CCBE1: variants seen among roughly 807,000 people sequenced by gnomAD.
CCBE1 encodes the protein collagen and calcium-binding EGF domain-containing protein 1.
CCBE1 carries 37 observed loss-of-function variants against 50.0 expected under a neutral mutation model. The ratio of observed to expected loss-of-function variants is 0.74; its 90% CI spans 0.57 to 0.97. The LOEUF is 0.97. CCBE1 is among the 50% of genes least tolerant of loss of function. The pLI is 0.00. For missense variants in CCBE1, 538 were observed against 523.8 expected (o/e 1.03, Z -0.26); for synonymous variants, 234 against 203.7 (o/e 1.15, Z -1.27).
chr18:59,512,605 G>C (rs183184679), intron 2 of CCBE1, among the ~76,000 whole-genome samples: 1 of 152,232 alleles, frequency 6.6e-6, no homozygotes, highest in Non-Finnish European at 1.5e-5. Flanking sequence ...AGTGCTGAGC[G>C]CCTTCCTGTG....
chr18:59,632,383 G>A (rs1045660025), intron 2 of CCBE1, among the ~76,000 whole-genome samples: 3 of 151,468 alleles, frequency 2.0e-5, no homozygotes, highest in East Asian at 2.0e-4. Context: ...AGGTTCAAGC[G>A]ATTCTCGTGC....
At chr18:59,497,062 G>A (rs1913388903) in intron 2 of CCBE1, among the ~76,000 whole-genome samples, 1 of 152,116 alleles carries the variant, frequency 6.6e-6, no homozygotes, top group African/African-American at 2.4e-5. Flanking sequence ...CATTAAATGA[G>A]ATACGTAAAG....
intron 2 of CCBE1, among the ~76,000 whole-genome samples, chr18:59,586,697 T>C (rs1288746114): frequency 6.6e-6 from 1 of 152,146 alleles, no homozygotes. Context: ...AAGCCCAAAA[T>C]TTTCAACAAA....
At chr18:59,665,043 T>C (rs916082928) in intron 2 of CCBE1, among the ~76,000 whole-genome samples, 2 of 152,118 alleles carry the variant, frequency 1.3e-5, no homozygotes, top group Non-Finnish European at 2.9e-5. Flanking sequence ...AACAGGACCC[T>C]AGTGCAATTT....
At chr18:59,681,667 G>A (rs2054590134) in intron 2 of CCBE1, among the ~76,000 whole-genome samples, 2 of 152,242 alleles carry the variant, frequency 1.3e-5, no homozygotes, top group African/African-American at 2.4e-5. Context: ...TACCCAGCAT[G>A]AGCTTGCAGC....
Position 59,644,224 on chromosome 18 carries a change from G to T in CCBE1, c.212+52405C>A, listed in dbSNP as rs938521321. Among the ~76,000 whole-genome samples the T allele has an allele frequency of 2.0e-5, 3 of 152,310 alleles. No homozygotes were observed. In the East Asian group the frequency reaches 5.8e-4, roughly 29 times the overall value. On this transcript the variant is annotated intron_variant, in intron 2 of 10. Coordinates refer to ENST00000439986, the MANE Select transcript of CCBE1 (RefSeq NM_133459.4). ...CCTGCCACCATGAGAATCTAATGCC[G>T]TTGCTGATCTGAGAGGAGGCGGAGC...
At chr18:59,635,818 A>T (rs912274488) in intron 2 of CCBE1, among the ~76,000 whole-genome samples, 2 of 152,176 alleles carry the variant, frequency 1.3e-5, no homozygotes, top group Non-Finnish European at 2.9e-5. Context: ...TGGCAGAAAT[A>T]ATTTATCAGA....
chr18:59,543,059 A>G (rs1915531576), intron 2 of CCBE1, among the ~76,000 whole-genome samples: 1 of 152,202 alleles, frequency 6.6e-6, no homozygotes, highest in South Asian at 2.1e-4. Context: ...ATTCTCCTCC[A>G]AATTTTGGCT....
chr18:59,542,959 C>T (rs1915526283), intron 2 of CCBE1, among the ~76,000 whole-genome samples: 1 of 152,208 alleles, frequency 6.6e-6, no homozygotes, highest in African/African-American at 2.4e-5. Context: ...AAGATCTCGC[C>T]AAACCCAGGC....
intron 2 of CCBE1, among the ~76,000 whole-genome samples, chr18:59,497,366 G>A (rs564978108): frequency 6.6e-6 from 1 of 152,268 alleles, no homozygotes; most frequent in South Asian, 2.1e-4. Context: ...ATCATACTGA[G>A]TAATATACTG....
chr18:59,559,259 G>A (rs1010953734), intron 2 of CCBE1, among the ~76,000 whole-genome samples: 15 of 152,180 alleles, frequency 9.9e-5, no homozygotes, highest in African/African-American at 3.6e-4. Context: ...GGGTGTTTCT[G>A]ACTGCACTGT....
rs760856241 is a variant in CCBE1 at position 59,437,754 on chromosome 18, C to T, written c.987+357G>A. Among the ~76,000 whole-genome samples, 15 of 152,268 alleles carry T rather than the reference C, an allele frequency of 9.9e-5. 1 individual carries two copies. Among genetic ancestry groups the T allele is most frequent in the African/African-American group, 2.9e-4 (12 of 41,552 alleles). On this transcript the variant is annotated intron_variant, in intron 10 of 10. Transcript: ENST00000439986. ...GCAGCAGTGGCTAAATTCTCAAGTA[C>T]GCAGAGTTATGATTTAAACCCATAG...
At chr18:59,471,026 G>T (rs1217111159) in intron 3 of CCBE1, among the ~76,000 whole-genome samples, 1 of 152,194 alleles carries the variant, frequency 6.6e-6, no homozygotes, top group Non-Finnish European at 1.5e-5. Flanking sequence ...CCCCCACTTG[G>T]CATCGCCTCT....
At chr18:59,557,924 T>C (rs1224499366) in intron 2 of CCBE1, among the ~76,000 whole-genome samples, 1 of 152,208 alleles carries the variant, frequency 6.6e-6, no homozygotes, top group East Asian at 1.9e-4. Flanking sequence ...AAACTACGCA[T>C]GGATATAAAG....
chr18:59,609,049 C>A (rs1305457983), intron 2 of CCBE1, among the ~76,000 whole-genome samples: 1 of 152,226 alleles, frequency 6.6e-6, no homozygotes, highest in Non-Finnish European at 1.5e-5. Flanking sequence ...ATATGTGCAT[C>A]TGTTGACCAA....
At chr18:59,599,972 C>T (rs1177816221) in intron 2 of CCBE1, among the ~76,000 whole-genome samples, 2 of 152,206 alleles carry the variant, frequency 1.3e-5, no homozygotes, top group Admixed American at 6.5e-5. Context: ...AAAACTCACC[C>T]TAATCCCACA....
chr18:59,606,691 C>T (rs2053503516), intron 2 of CCBE1, among the ~76,000 whole-genome samples: 1 of 152,082 alleles, frequency 6.6e-6, no homozygotes, highest in South Asian at 2.1e-4. Flanking sequence ...TTTGTTACCC[C>T]TGCTGTTTTA....
chr18:59,491,682 C>T lies in CCBE1; in HGVS notation c.213-11444G>A, dbSNP rs545130593. Among the ~76,000 whole-genome samples the T allele has an allele frequency of 1.0e-3, 156 of 151,702 alleles. 1 individual carries two copies. Among genetic ancestry groups the T allele is most frequent in the Non-Finnish European group, 1.9e-3 (127 of 67,932 alleles). ...TACAAAAATTAGCTGGGTGTGGTGG[C>T]ATGTGCCTGTAGTCCCAGCTACTCG... On this transcript the variant is annotated intron_variant, in intron 2 of 10. Transcript: ENST00000439986.
At chr18:59,475,216 A>T (rs914290128) in intron 3 of CCBE1, among the ~76,000 whole-genome samples, 3 of 152,158 alleles carry the variant, frequency 2.0e-5, no homozygotes, top group Non-Finnish European at 2.9e-5. Flanking sequence ...TCCCTTGTAA[A>T]CAAGATCTTC....
Sources: gnomAD v4.1 joint callset for allele counts (sites outside exome capture counted in the v4.1 genomes callset) on GRCh38, gnomAD v4.1.1 for gene constraint, MANE v1.5 for transcripts, NCBI Gene and HGNC (gene_info 2026-07-23, HGNC 2026-07-21) for gene names.